The following CWF19L2 variants were observed in gnomAD, a reference collection of about 807,000 sequenced individuals.
CWF19L2 encodes CWF19-like protein 2.
CWF19L2 carries 98 observed loss-of-function variants against 111.7 expected under a neutral mutation model. The observed-to-expected ratio is 0.88, with a 90% CI of 0.75 to 1.04. The LOEUF is 1.04. Among genes scored for constraint, CWF19L2 ranks in the 50% least tolerant of loss-of-function variants. The pLI is 0.00. For missense variants in CWF19L2, 1,101 were observed against 1,051.4 expected, an observed-to-expected ratio of 1.05 and a Z score of -0.65; for synonymous variants, 351 against 342.9, an observed-to-expected ratio of 1.02 and a Z score of -0.26.
At position 107,418,436 on chromosome 11, in the gene CWF19L2, A is replaced by C. The variant is rs1432538236; in HGVS notation, c.1434-149T>G. 6.4e-6 allele frequency: 4 copies of C among 625,826 alleles called. No homozygotes were observed. The East Asian group carries it at 1.1e-4, about 18-fold the overall frequency. The allele number at this position is 625,826 out of a possible 1,614,324, so 38.8% of individuals were successfully genotyped here. A position where few individuals can be genotyped will look rare whatever the true frequency, so the allele number is the denominator to read the frequency against. On this transcript the variant is annotated intron_variant, in intron 8 of 17. Coordinates refer to ENST00000282251, the MANE Select transcript of CWF19L2 (RefSeq NM_152434.3). The stretch of plus-strand genomic sequence containing the variant: ...TTGTAATACATGTAAATTAAACTCA[A>C]TATTTTTCCACAAATTGATAAAGTT...
intron 12 of CWF19L2, among the ~76,000 whole-genome samples, chr11:107,372,186 G>A (rs1333200793): frequency 7.4e-6 from 1 of 134,884 alleles, no homozygotes; most frequent in Non-Finnish European, 1.6e-5. Context: ...ACAGAATAGT[G>A]GGAAAGACAC....
chr11:107,389,183 A>C (rs1484104989), intron 12 of CWF19L2, among the ~76,000 whole-genome samples: 1 of 152,230 alleles, frequency 6.6e-6, no homozygotes, highest in Non-Finnish European at 1.5e-5. Context: ...CCTATATCTC[A>C]GTGACTCAGT....
At chr11:107,356,833 T>C (rs1591159723) in intron 12 of CWF19L2, among the ~76,000 whole-genome samples, 1 of 150,672 alleles carries the variant, frequency 6.6e-6, no homozygotes, top group African/African-American at 2.4e-5. Context: ...AGGTTGGGAG[T>C]TTGAGACCAA....
intron 10 of CWF19L2, among the ~76,000 whole-genome samples, chr11:107,413,206 G>A (rs922869814): frequency 4.6e-5 from 7 of 152,172 alleles, no homozygotes; most frequent in Admixed American, 4.6e-4. Context: ...TAACGGGGGA[G>A]GCTGTGCTTA....
At chr11:107,380,169 T>C (rs1860663826) in intron 12 of CWF19L2, among the ~76,000 whole-genome samples, 1 of 152,066 alleles carries the variant, frequency 6.6e-6, no homozygotes, top group Middle Eastern at 3.4e-3. Flanking sequence ...TGAATCTATT[T>C]AATAAGTGCT....
intron 12 of CWF19L2, among the ~76,000 whole-genome samples, chr11:107,362,307 T>G (rs1338491663): frequency 1.3e-5 from 2 of 151,892 alleles, no homozygotes; most frequent in African/African-American, 4.8e-5. Flanking sequence ...AAGCTCGAAC[T>G]GGGTGGAGCC....
rs1591215803 is a variant in CWF19L2 at position 107,455,672 on chromosome 11, G to C, written c.210C>G (p.Phe70Leu). The part of the protein sequence containing the change: ...LPDVNERIEQ[F>L]SQEHSVKKKK... ...TAAACCTGTTAGTATTCACCTGTGA[G>C]AACTGTTCAATTCTCTCATTCACAT... is the stretch of plus-strand genomic sequence containing the variant. The change falls in exon 2 of 18, where the codon TTC (phenylalanine) becomes TTG (leucine). Residue 70 changes from phenylalanine (F) to leucine (L), a missense_variant. Phe to Leu is a conservative substitution (Grantham distance 22, BLOSUM62 0). Transcript: ENST00000282251. The C allele has an allele frequency of 1.3e-6, 2 of 1,540,990 alleles. No individual in the cohort carries two copies. Among genetic ancestry groups the C allele is most frequent in the East Asian group, 2.5e-5 (1 of 40,746 alleles).
chr11:107,446,695 T>A (rs1483996936), intron 3 of CWF19L2, among the ~76,000 whole-genome samples: 1 of 152,198 alleles, frequency 6.6e-6, no homozygotes, highest in Non-Finnish European at 1.5e-5. Flanking sequence ...TGGCAAAGAA[T>A]AAGCATTTGA....
chr11:107,422,289 C>G (rs1366112558), intron 8 of CWF19L2, among the ~76,000 whole-genome samples: 2 of 151,866 alleles, frequency 1.3e-5, no homozygotes, highest in Non-Finnish European at 2.9e-5. Context: ...ACCAGAGTAA[C>G]ATTTTCATAC....
chr11:107,350,699 G>A (rs1030628676), intron 13 of CWF19L2, among the ~76,000 whole-genome samples: 1 of 152,070 alleles, frequency 6.6e-6, no homozygotes, highest in Non-Finnish European at 1.5e-5. Flanking sequence ...TAAATGTAAA[G>A]TAAAATGCAC....
intron 5 of CWF19L2, among the ~76,000 whole-genome samples, chr11:107,441,164 A>C (rs1861613928): frequency 6.6e-6 from 1 of 152,150 alleles, no homozygotes; most frequent in Non-Finnish European, 1.5e-5. Flanking sequence ...CAGAATTTCT[A>C]GATGTCTTGA....
chr11:107,383,168 T>TG lies in CWF19L2; in HGVS notation c.1872+6905dup, dbSNP rs1259928673. On this transcript the variant is annotated intron_variant, in intron 12 of 17. Coordinates refer to ENST00000282251, the MANE Select transcript of CWF19L2 (RefSeq NM_152434.3). ...TCCAGCAAATTAATCGTACCCGAAG[T>TG]GGGGGGGTCATGTGAACCCCAACTT... 2.6e-5 allele frequency among the ~76,000 whole-genome samples: 4 copies of TG among 152,258 alleles called. No homozygotes were observed. The East Asian group carries it at 5.8e-4, about 22-fold the overall frequency.
intron 10 of CWF19L2, among the ~76,000 whole-genome samples, chr11:107,398,849 T>C (rs1860960995): frequency 6.6e-6 from 1 of 152,200 alleles, no homozygotes; most frequent in Non-Finnish European, 1.5e-5. Context: ...GCGGAAACCC[T>C]ATAAGCTAGA....
intron 8 of CWF19L2, among the ~76,000 whole-genome samples, chr11:107,423,913 C>T (rs1052496517): frequency 1.4e-5 from 2 of 143,332 alleles, no homozygotes; most frequent in Non-Finnish European, 3.1e-5. Flanking sequence ...TAGATACCTA[C>T]TAATATATAT....
intron 12 of CWF19L2, among the ~76,000 whole-genome samples, chr11:107,388,004 T>C (rs1335784174): frequency 6.6e-6 from 1 of 152,188 alleles, no homozygotes; most frequent in Non-Finnish European, 1.5e-5. Flanking sequence ...CTTGATGTTC[T>C]TCAAGCTTGT....
At chr11:107,409,674 A>G (rs1565272806) in intron 10 of CWF19L2, among the ~76,000 whole-genome samples, 1 of 152,130 alleles carries the variant, frequency 6.6e-6, no homozygotes, top group Admixed American at 6.6e-5. Flanking sequence ...ATATAAAACT[A>G]GCAATATCCA....
Position 107,367,319 on chromosome 11 carries a change from A to G in CWF19L2, c.1873-13583T>C, listed in dbSNP as rs1276382735. Reference sequence around the variant, plus strand: ...AAATACCATTTGACCCAGCCATCCCATTACTGGGTATATACCCAAAGGACT... The same window carrying G: ...AAATACCATTTGACCCAGCCATCCCGTTACTGGGTATATACCCAAAGGACT... On this transcript the variant is annotated intron_variant, in intron 12 of 17. Coordinates refer to ENST00000282251, the MANE Select transcript of CWF19L2 (RefSeq NM_152434.3). 2.3e-5 allele frequency among the ~76,000 whole-genome samples: 3 copies of G among 133,238 alleles called. 1 individual carries two copies. Among genetic ancestry groups the G allele is most frequent in the Non-Finnish European group, 4.8e-5 (3 of 62,472 alleles). 87.4% of individuals were successfully genotyped at this position (133,238 alleles called of 152,430 possible).
chr11:107,343,790 T>C lies in CWF19L2; in HGVS notation c.2202+5147A>G, dbSNP rs1030279476. ...GGCATTACATATACATACATATATATTTAATCACAGTCTACTGGGGCCATT... is the reference window on the plus strand; with the variant it reads ...GGCATTACATATACATACATATATACTTAATCACAGTCTACTGGGGCCATT... On this transcript the variant is annotated intron_variant, in intron 14 of 17. Coordinates refer to ENST00000282251, the MANE Select transcript of CWF19L2 (RefSeq NM_152434.3). Among the ~76,000 whole-genome samples, 5 of 152,280 alleles carry C rather than the reference T, an allele frequency of 3.3e-5. No individual in the cohort carries two copies. The South Asian group carries it at 6.2e-4, about 19-fold the overall frequency.
At chr11:107,346,285 A>G (rs1860079057) in intron 14 of CWF19L2, among the ~76,000 whole-genome samples, 3 of 152,214 alleles carry the variant, frequency 2.0e-5, no homozygotes, top group Admixed American at 6.5e-5. Flanking sequence ...GGTAAATGTT[A>G]TGCAACAGAA....
Sources: gnomAD v4.1 joint callset for allele counts (sites outside exome capture counted in the v4.1 genomes callset) on GRCh38, gnomAD v4.1.1 for gene constraint, MANE v1.5 for transcripts, NCBI Gene and HGNC (gene_info 2026-07-23, HGNC 2026-07-21) for gene names.